The following RGS8 variants were observed in gnomAD, a reference collection of about 807,000 sequenced individuals.
RGS8 encodes regulator of G protein signaling 8.
In RGS8, 8 loss-of-function variants were observed where a neutral mutation model predicts 21.7. The observed-to-expected ratio is 0.37, with a 90% confidence interval of 0.22 to 0.66. The LOEUF is 0.66. RGS8 is among the 30% of genes least tolerant of loss of function. The pLI is 0.59. For missense variants in RGS8, 157 were observed against 217.9 expected (o/e 0.72, Z 1.76); for synonymous variants, 80 against 83.6 (o/e 0.96, Z 0.24).
At chr1:182,654,647 G>A (rs996535000) in intron 5 of RGS8, among the ~76,000 whole-genome samples, 8 of 152,106 alleles carry the variant, frequency 5.3e-5, no homozygotes, top group African/African-American at 1.9e-4. Flanking sequence ...GGGCTATAGT[G>A]GGGAACTCTA....
chr1:182,750,856 T>G, the RGS8 span, among the ~76,000 whole-genome samples: 8,372 of 151,532 alleles, frequency 0.055, 256 homozygotes, highest in Middle Eastern at 0.068. Context: ...GATGTAGGTA[T>G]ATAAATAAAC....
At chr1:182,656,062 C>G (rs1357859101) in intron 5 of RGS8, among the ~76,000 whole-genome samples, 1 of 152,178 alleles carries the variant, frequency 6.6e-6, no homozygotes, top group Non-Finnish European at 1.5e-5. Flanking sequence ...ATGAGGCAAG[C>G]CACGGAAAAG....
exon 3 of RGS8, chr1:182,669,725 A>G: frequency 6.2e-7 from 1 of 1,609,832 alleles, no homozygotes; most frequent in South Asian, 1.1e-5. Context: ...TGCGGGGCTC[A>G]GGAATTTACC....
chr1:182,661,277 C>T (rs1663573661), intron 5 of RGS8, among the ~76,000 whole-genome samples: 1 of 151,846 alleles, frequency 6.6e-6, no homozygotes, highest in South Asian at 2.1e-4. Context: ...ATCCATTAAC[C>T]CAGCATTCCC....
the RGS8 span, among the ~76,000 whole-genome samples, chr1:182,732,542 A>G: frequency 6.6e-6 from 1 of 152,212 alleles, no homozygotes; most frequent in Non-Finnish European, 1.5e-5. Context: ...CATTTCATCA[A>G]TAGAATTTAA....
the RGS8 span, among the ~76,000 whole-genome samples, chr1:182,704,668 C>T: frequency 6.6e-6 from 1 of 152,220 alleles, no homozygotes; most frequent in Admixed American, 6.5e-5. Context: ...ATCGGGGATG[C>T]GGATTATGTA....
At chr1:182,714,909 T>A in the RGS8 span, among the ~76,000 whole-genome samples, 1 of 152,252 alleles carries the variant, frequency 6.6e-6, no homozygotes, top group Non-Finnish European at 1.5e-5. Context: ...TTTCTTGGCT[T>A]ATTCAGAGTC....
chr1:182,645,250 G>A (rs775750661), downstream of RGS8: 4 of 152,194 alleles, frequency 2.6e-5, no homozygotes, highest in Non-Finnish European at 5.9e-5. Context: ...CAAGCTGAAC[G>A]TTTTGTAGAT....
the RGS8 span, among the ~76,000 whole-genome samples, chr1:182,739,797 G>GC: frequency 1.3e-5 from 2 of 152,178 alleles, no homozygotes; most frequent in South Asian, 4.2e-4. Context: ...CCTGGCAACA[G>GC]CGACAATCAC....
chr1:182,682,429 C>T (rs1212467608), intron 1 of RGS8, among the ~76,000 whole-genome samples: 1 of 152,184 alleles, frequency 6.6e-6, no homozygotes, highest in Non-Finnish European at 1.5e-5. Context: ...GGTGCTTTCA[C>T]TTCTCTGGCT....
chr1:182,642,202 G>A (rs1662497060), downstream of RGS8: 1 of 152,234 alleles, frequency 6.6e-6, no homozygotes, highest in South Asian at 2.1e-4. Context: ...GAGGCCACGG[G>A]GACAGGAAGG....
At chr1:182,646,028 C>T (rs1662688705), downstream of RGS8, 1 of 152,176 alleles carries the variant, frequency 6.6e-6, no homozygotes. Context: ...ATGGCAGTTC[C>T]ACTTCAGAAG....
chr1:182,646,927 C>T lies in RGS8; in HGVS notation c.361-10G>A. 6.2e-7 allele frequency: 1 copy of T among 1,610,260 alleles called. No individual in the cohort carries two copies. The highest frequency in any genetic ancestry group is 1.1e-5 in the South Asian group (1 of 90,364). ...GGAAGTCAATGTTTACCTAGAGATA[C>T]AAACAGAGAGCAAGGTCACAGGCCC... On this transcript the variant is annotated splice_polypyrimidine_tract_variant and intron_variant, in intron 6 of 6. Coordinates refer to ENST00000483095, the Ensembl canonical transcript of RGS8.
the RGS8 span, among the ~76,000 whole-genome samples, chr1:182,709,804 G>C: frequency 6.6e-6 from 1 of 152,136 alleles, no homozygotes; most frequent in Non-Finnish European, 1.5e-5. Flanking sequence ...GCATCTCTTT[G>C]CATCAGTTTC....
chr1:182,707,489 C>A, the RGS8 span, among the ~76,000 whole-genome samples: 1 of 152,160 alleles, frequency 6.6e-6, no homozygotes, highest in East Asian at 1.9e-4. Context: ...ATTTGTCAAA[C>A]CATTCTGCTC....
the RGS8 span, among the ~76,000 whole-genome samples, chr1:182,710,728 A>C: frequency 2.6e-5 from 4 of 152,228 alleles, no homozygotes; most frequent in Non-Finnish European, 4.4e-5. Context: ...AAGCAAAAAC[A>C]ACAGGCATTC....
chr1:182,690,393 C>T, the RGS8 span, among the ~76,000 whole-genome samples: 1 of 152,230 alleles, frequency 6.6e-6, no homozygotes, highest in African/African-American at 2.4e-5. Context: ...CTCTGCTATC[C>T]TCACCTTATC....
At chr1:182,695,390 ATTT>A in the RGS8 span, among the ~76,000 whole-genome samples, 506 of 152,236 alleles carry the variant, frequency 3.3e-3, 2 homozygotes, top group African/African-American at 0.012. Flanking sequence ...ACCTTCCTCC[ATTT>A]TAGCACACTC....
chr1:182,720,984 CACATATATATGTGTGT>C, the RGS8 span, among the ~76,000 whole-genome samples: 655 of 45,832 alleles, frequency 0.014, 43 homozygotes, highest in African/African-American at 0.047. Flanking sequence ...TACATATATA[CACATATATATGTGTGT>C]ATATATACAT....
Sources: allele counts gnomAD v4.1 joint callset (sites outside exome capture counted in the v4.1 genomes callset), GRCh38; gene constraint gnomAD v4.1.1; transcripts MANE v1.5; gene names NCBI Gene and HGNC (gene_info 2026-07-23, HGNC 2026-07-21).